The following MEGF11 variants were observed in gnomAD, a reference collection of about 807,000 sequenced individuals.
MEGF11 encodes multiple epidermal growth factor-like domains protein 11.
MEGF11 carries 126 observed loss-of-function variants against 146.6 expected under a neutral mutation model. The observed-to-expected ratio is 0.86, with a 90% CI of 0.74 to 1.00. MEGF11 has a LOEUF of 1.00. MEGF11 is among the 50% of genes least tolerant of loss of function. The probability of loss-of-function intolerance (pLI) is 0.00; values close to 1 mark genes in which losing one functional copy is unlikely to be tolerated. For missense variants in MEGF11, 1,509 were observed against 1,521.2 expected, an observed-to-expected ratio of 0.99 and a Z score of 0.13; for synonymous variants, 532 against 583.4, an observed-to-expected ratio of 0.91 and a Z score of 1.27.
At chr15:66,020,874 C>T (rs887858709) in intron 5 of MEGF11, among the ~76,000 whole-genome samples, 15 of 152,032 alleles carry the variant, frequency 9.9e-5, no homozygotes, top group African/African-American at 3.6e-4. Context: ...CGCCTGTAGT[C>T]CCAGCTACTC....
At chr15:65,985,191 C>T (rs779055519) in intron 5 of MEGF11, among the ~76,000 whole-genome samples, 4 of 152,300 alleles carry the variant, frequency 2.6e-5, no homozygotes, top group African/African-American at 4.8e-5. Flanking sequence ...TCCCATTTGA[C>T]GGAGAATACA....
At chr15:65,902,228 A>G (rs990493533) in intron 24 of MEGF11, 4 of 152,254 alleles carry the variant, frequency 2.6e-5, no homozygotes, top group African/African-American at 9.7e-5. Flanking sequence ...TTTTCACCAG[A>G]AAAGTCGGGG....
At chr15:66,160,756 G>A (rs1051366520) in intron 1 of MEGF11, among the ~76,000 whole-genome samples, 2 of 151,840 alleles carry the variant, frequency 1.3e-5, no homozygotes, top group Non-Finnish European at 2.9e-5. Context: ...CTACTAGGGA[G>A]GAAGAGGTGA....
intron 9 of MEGF11, among the ~76,000 whole-genome samples, chr15:65,958,311 C>G (rs1024233027): frequency 6.6e-6 from 1 of 152,224 alleles, no homozygotes; most frequent in African/African-American, 2.4e-5. Context: ...AGTGAGCAAG[C>G]TCTTCTCCAT....
At chr15:66,067,541 C>A (rs576944249) in intron 5 of MEGF11, among the ~76,000 whole-genome samples, 1 of 152,240 alleles carries the variant, frequency 6.6e-6, no homozygotes, top group African/African-American at 2.4e-5. Context: ...CGTTCTTTCC[C>A]GGCAGCATCC....
At chr15:65,901,618 G>C (rs1314061812) in intron 24 of MEGF11, among the ~76,000 whole-genome samples, 1 of 150,158 alleles carries the variant, frequency 6.7e-6, no homozygotes, top group Non-Finnish European at 1.5e-5. Context: ...ATCTGCAGCA[G>C]CTCCACCTTA....
At chr15:66,145,820 G>T (rs2089350668) in intron 1 of MEGF11, among the ~76,000 whole-genome samples, 1 of 152,198 alleles carries the variant, frequency 6.6e-6, no homozygotes, top group Non-Finnish European at 1.5e-5. Flanking sequence ...CCGGACAAAT[G>T]ACTTAATCTT....
chr15:65,949,783 C>T (rs1429813953), intron 10 of MEGF11, among the ~76,000 whole-genome samples: 2 of 152,226 alleles, frequency 1.3e-5, no homozygotes, highest in Non-Finnish European at 2.9e-5. Context: ...CTGCAGGCAC[C>T]AAGGTGGCAG....
chr15:66,142,437 C>T (rs1341412671), intron 1 of MEGF11, among the ~76,000 whole-genome samples: 1 of 152,186 alleles, frequency 6.6e-6, no homozygotes, highest in East Asian at 1.9e-4. Flanking sequence ...AAAATCACCC[C>T]GAGGGAGGAA....
At chr15:66,074,519 C>T (rs745378382) in intron 5 of MEGF11, among the ~76,000 whole-genome samples, 1 of 152,200 alleles carries the variant, frequency 6.6e-6, no homozygotes, top group African/African-American at 2.4e-5. Context: ...GCAGTTGTAA[C>T]CCAGAGGAGA....
chr15:66,217,467 C>G (rs1416594767), intron 1 of MEGF11, among the ~76,000 whole-genome samples: 1 of 152,240 alleles, frequency 6.6e-6, no homozygotes, highest in African/African-American at 2.4e-5. Context: ...CCCACTCCTC[C>G]CAGGTACAGA....
intron 5 of MEGF11, among the ~76,000 whole-genome samples, chr15:66,073,876 C>G (rs2085470821): frequency 6.6e-6 from 1 of 152,172 alleles, no homozygotes; most frequent in Admixed American, 6.5e-5. Context: ...TTAGGACAAG[C>G]CAACATGTTT....
chr15:65,952,584 C>T (rs1175460555), intron 10 of MEGF11, among the ~76,000 whole-genome samples: 1 of 152,190 alleles, frequency 6.6e-6, no homozygotes, highest in Non-Finnish European at 1.5e-5. Flanking sequence ...TGGGCGAGGA[C>T]CCTGGATTCT....
At chr15:65,963,744 C>G (rs1890812986) in intron 9 of MEGF11, among the ~76,000 whole-genome samples, 1 of 152,236 alleles carries the variant, frequency 6.6e-6, no homozygotes, top group Non-Finnish European at 1.5e-5. Flanking sequence ...CAGTCTCTTT[C>G]CCGGGCCTTC....
chr15:66,212,446 G>T (rs2091484865), intron 1 of MEGF11, among the ~76,000 whole-genome samples: 1 of 152,050 alleles, frequency 6.6e-6, no homozygotes, highest in Non-Finnish European at 1.5e-5. Context: ...GCCCTCCCTG[G>T]CCCTACCCTA....
chr15:66,246,150 A>G (rs2092293421), intron 1 of MEGF11, among the ~76,000 whole-genome samples: 1 of 152,174 alleles, frequency 6.6e-6, no homozygotes, highest in South Asian at 2.1e-4. Context: ...CCAGCTACTC[A>G]GAAGGCTGAG....
At chr15:65,913,706 A>C in intron 20 of MEGF11, 31 bp downstream of exon 20, 1 of 1,561,772 alleles carries the variant, frequency 6.4e-7, no homozygotes, top group Non-Finnish European at 8.7e-7. Flanking sequence ...GTGGAGGGGA[A>C]GAGGAGGGAG....
At chr15:66,054,377 C>T (rs1395663324) in intron 5 of MEGF11, among the ~76,000 whole-genome samples, 1 of 152,176 alleles carries the variant, frequency 6.6e-6, no homozygotes, top group African/African-American at 2.4e-5. Flanking sequence ...AGAGTCAACT[C>T]CAGCCCCTCA....
chr15:66,100,305 G>T (rs924189916), intron 4 of MEGF11, among the ~76,000 whole-genome samples: 1 of 152,132 alleles, frequency 6.6e-6, no homozygotes, highest in South Asian at 2.1e-4. Context: ...CCCCCTACCT[G>T]CTCCTGACCC....
Sources: gnomAD v4.1 joint callset for allele counts (sites outside exome capture counted in the v4.1 genomes callset) on GRCh38, gnomAD v4.1.1 for gene constraint, MANE v1.5 for transcripts, NCBI Gene and HGNC (gene_info 2026-07-23, HGNC 2026-07-21) for gene names.